The following TRHDE variants were observed in gnomAD, a reference collection of about 807,000 sequenced individuals.
The protein encoded by TRHDE is thyrotropin releasing hormone degrading enzyme, also known as thyrotropin-releasing hormone-degrading ectoenzyme.
TRHDE carries 72 observed loss-of-function variants against 125.7 expected under a neutral mutation model. That is an observed-to-expected ratio of 0.57 (90% CI 0.47 to 0.70). The LOEUF is 0.70. Among genes scored for constraint, TRHDE ranks in the 30% least tolerant of loss-of-function variants. The pLI, the probability that TRHDE is intolerant of heterozygous loss-of-function variation, is 0.00. For missense variants in TRHDE, 1,110 were observed against 1,327.1 expected, an observed-to-expected ratio of 0.84 and a Z score of 2.54; for synonymous variants, 509 against 509.1, an observed-to-expected ratio of 1.00 and a Z score of 0.00.
At chr12:72,227,011 G>A (rs2730664) in intron 2 of TRHDE, among the ~76,000 whole-genome samples, 117,355 of 152,132 alleles carry the variant, frequency 0.77, 45,597 homozygotes, top group African/African-American at 0.83. Flanking sequence ...CATGGCATTT[G>A]TGTTTCCATT....
At chr12:72,514,977 C>T (rs61926606) in intron 6 of TRHDE, among the ~76,000 whole-genome samples, 3 of 149,640 alleles carry the variant, frequency 2.0e-5, no homozygotes, top group East Asian at 4.0e-4. Flanking sequence ...TCATCATTTT[C>T]TATGGCTGCA....
At chr12:72,339,518 C>A (rs191528858) in intron 2 of TRHDE, among the ~76,000 whole-genome samples, 16 of 152,200 alleles carry the variant, frequency 1.1e-4, no homozygotes, top group African/African-American at 3.9e-4. Flanking sequence ...CAGCATAGAG[C>A]TGATAGGGTA....
intron 15 of TRHDE, among the ~76,000 whole-genome samples, chr12:72,650,915 T>C (rs557669022): frequency 5.3e-5 from 8 of 152,144 alleles, no homozygotes; most frequent in Non-Finnish European, 8.8e-5. Flanking sequence ...AGGGATGCCC[T>C]GTGTCAAGCT....
intron 2 of TRHDE, among the ~76,000 whole-genome samples, chr12:72,228,991 A>T (rs1878195548): frequency 6.6e-6 from 1 of 152,178 alleles, no homozygotes; most frequent in South Asian, 2.1e-4. Flanking sequence ...CCATTCAACA[A>T]GTCTCTAGGG....
intron 2 of TRHDE, among the ~76,000 whole-genome samples, chr12:72,146,682 G>A (rs1285870424): frequency 1.3e-5 from 2 of 152,240 alleles, no homozygotes; most frequent in East Asian, 1.9e-4. Context: ...AGGGCTGGGT[G>A]TCTGCAACTC....
At chr12:72,097,495 C>T (rs1332339167) in intron 1 of TRHDE, among the ~76,000 whole-genome samples, 15 of 115,882 alleles carry the variant, frequency 1.3e-4, no homozygotes, top group African/African-American at 5.1e-4. Flanking sequence ...GTTTTCCAGG[C>T]TTGGAGTTCT....
At chr12:72,361,337 G>C (rs1871067336) in intron 2 of TRHDE, among the ~76,000 whole-genome samples, 1 of 151,688 alleles carries the variant, frequency 6.6e-6, no homozygotes, top group South Asian at 2.1e-4. Flanking sequence ...GTGTCAAGCT[G>C]AATAAAAGAT....
At chr12:72,194,245 A>C (rs1446876419) in intron 2 of TRHDE, among the ~76,000 whole-genome samples, 1 of 152,138 alleles carries the variant, frequency 6.6e-6, no homozygotes, top group Non-Finnish European at 1.5e-5. Flanking sequence ...GTTGATACAC[A>C]GAATGAGATA....
intron 6 of TRHDE, among the ~76,000 whole-genome samples, chr12:72,533,416 GC>G (rs1868666317): frequency 6.6e-6 from 1 of 151,990 alleles, no homozygotes; most frequent in Non-Finnish European, 1.5e-5. Flanking sequence ...CTTGTGATCT[GC>G]CCACCCTGGA....
At position 72,663,293 on chromosome 12, in the gene TRHDE, A is replaced by T; in HGVS notation, c.*98A>T. Reference sequence around the variant, plus strand: ...AATGTACTACCTAGAAAATGGCCAGATTTTCAGTGTTAACGTGTGGGAGGA... The same window carrying T: ...AATGTACTACCTAGAAAATGGCCAGTTTTTCAGTGTTAACGTGTGGGAGGA... On this transcript the variant is annotated 3_prime_UTR_variant, in exon 19 of 19. Coordinates refer to ENST00000261180, the MANE Select transcript of TRHDE (RefSeq NM_013381.3). The T allele has an allele frequency of 2.0e-6, 2 of 1,002,406 alleles. No homozygotes were observed. Among genetic ancestry groups the T allele is most frequent in the Non-Finnish European group, 2.7e-6 (2 of 740,290 alleles). The allele number at this position is 1,002,406 out of a possible 1,614,324, so 62.1% of individuals were successfully genotyped here. A position where few individuals can be genotyped will look rare whatever the true frequency, so the allele number is the denominator to read the frequency against.
At chr12:72,153,579 G>C (rs1264730780) in intron 2 of TRHDE, among the ~76,000 whole-genome samples, 1 of 152,166 alleles carries the variant, frequency 6.6e-6, no homozygotes, top group Non-Finnish European at 1.5e-5. Flanking sequence ...GTGTCCCAGA[G>C]ATTCTGGTAT....
chr12:72,394,457 C>T (rs867748090), intron 3 of TRHDE, among the ~76,000 whole-genome samples: 14 of 152,136 alleles, frequency 9.2e-5, no homozygotes, highest in African/African-American at 3.1e-4. Context: ...TCTCAAACAT[C>T]CCAGGGCATC....
chr12:72,126,488 A>G lies in TRHDE; in HGVS notation n.279+20736A>G, dbSNP rs369143699. 8.5e-5 allele frequency among the ~76,000 whole-genome samples: 13 copies of G among 152,302 alleles called. No homozygotes were observed. The East Asian group carries it at 1.5e-3, about 18-fold the overall frequency. On this transcript the variant is annotated intron_variant and non_coding_transcript_variant, in intron 2 of 4. Coordinates refer to the TRHDE transcript ENST00000548156. ...GCTACGGTACCCCAAATAGGGTGAT[A>G]CTGGTCCAAAAACAGACACAAGGAA...
chr12:72,161,205 C>A (rs1469193929), intron 2 of TRHDE, among the ~76,000 whole-genome samples: 1 of 152,160 alleles, frequency 6.6e-6, no homozygotes, highest in African/African-American at 2.4e-5. Context: ...GAGGCCAAGG[C>A]TGGCAGATCA....
At position 72,652,330 on chromosome 12, in the gene TRHDE, T is replaced by C. The variant is rs939062902; in HGVS notation, c.2684T>C (p.Leu895Pro). The stretch of plus-strand genomic sequence containing the variant: ...ATGGGTTGCTTCTTTAGAATACCAC[T>C]AAATGTTAGAGACATCGTATACTGT... ...WISSNRNRIPLNVRDIVYCTG... is the reference protein window; with the variant it reads ...WISSNRNRIPPNVRDIVYCTG... Residue 895 changes from leucine (L) to proline (P), a missense_variant, in exon 16 of 19, where the codon CTA becomes CCA. Leu to Pro is a moderately conservative substitution (Grantham distance 98, BLOSUM62 -3). Around this residue, in one of 5 missense-constraint regions of TRHDE, gnomAD observed 527 missense variants for 651.8 expected, o/e 0.81. Transcript: ENST00000261180. 6.9e-6 allele frequency: 10 copies of C among 1,450,548 alleles called. No homozygotes were observed. The highest frequency in any genetic ancestry group is 9.1e-6 in the Non-Finnish European group (10 of 1,094,874). 89.9% of individuals were successfully genotyped at this position (1,450,548 alleles called of 1,614,324 possible).
chr12:72,479,707 A>C (rs1259761073), intron 5 of TRHDE, among the ~76,000 whole-genome samples: 1 of 150,434 alleles, frequency 6.6e-6, no homozygotes, highest in Non-Finnish European at 1.5e-5. Flanking sequence ...ACATGTGCAC[A>C]ATGTGCAGGT....
intron 15 of TRHDE, among the ~76,000 whole-genome samples, chr12:72,625,669 A>T (rs1385395843): frequency 6.6e-6 from 1 of 151,828 alleles, no homozygotes; most frequent in African/African-American, 2.4e-5. Flanking sequence ...TTTGTGTATT[A>T]TCTCACTATT....
At chr12:72,330,229 T>C (rs116419898) in intron 2 of TRHDE, among the ~76,000 whole-genome samples, 2,004 of 151,964 alleles carry the variant, frequency 0.013, 44 homozygotes, top group African/African-American at 0.046. Flanking sequence ...ACAGTTTTTA[T>C]GGAAAAGTTT....
chr12:72,558,207 A>C (rs533144444), intron 7 of TRHDE, among the ~76,000 whole-genome samples: 2 of 152,294 alleles, frequency 1.3e-5, no homozygotes, highest in African/African-American at 4.8e-5. Context: ...CAGTGGGATA[A>C]ATGCTATTAT....
Sources: gnomAD v4.1 joint callset for allele counts (sites outside exome capture counted in the v4.1 genomes callset) on GRCh38, gnomAD v4.1.1 for gene constraint, gnomAD v4.1.1 regional missense constraint, MANE v1.5 for transcripts, NCBI Gene and HGNC (gene_info 2026-07-23, HGNC 2026-07-21) for gene names.